DNAH9: variants seen among roughly 807,000 people sequenced by gnomAD.
DNAH9 encodes DNAH9 variant protein.
A neutral mutation model predicts 471.6 loss-of-function variants in DNAH9; 345 were observed. That is an observed-to-expected ratio of 0.73 (90% CI 0.67 to 0.80). DNAH9 has a LOEUF of 0.80. Ranked by LOEUF, DNAH9 falls within the 30% of genes least tolerant of loss-of-function variation. DNAH9 has a pLI of 0.00. For synonymous variants in DNAH9, 2,093 were observed against 2,123.6 expected, an observed-to-expected ratio of 0.99 and a Z score of 0.40; for missense variants, 5,407 against 5,609.2, an observed-to-expected ratio of 0.96 and a Z score of 1.15.
At chr17:11,771,182 C>T (rs893408054) in intron 38 of DNAH9, among the ~76,000 whole-genome samples, 2 of 152,088 alleles carry the variant, frequency 1.3e-5, no homozygotes, top group Non-Finnish European at 2.9e-5. Context: ...GGCTGGAGTG[C>T]AGTGGCATGA....
intron 27 of DNAH9, among the ~76,000 whole-genome samples, chr17:11,725,888 T>G (rs776689593): frequency 1.3e-5 from 2 of 151,880 alleles, no homozygotes; most frequent in Non-Finnish European, 2.9e-5. Context: ...CAAAAAAAAT[T>G]AAAGTCTGCC....
intron 67 of DNAH9, among the ~76,000 whole-genome samples, chr17:11,954,769 T>TTAAA (rs1555529414): frequency 1.7e-5 from 2 of 118,734 alleles, no homozygotes; most frequent in African/African-American, 6.1e-5. Context: ...GACTTCGTCT[T>TTAAA]AAAAAAAAAA....
intron 9 of DNAH9, among the ~76,000 whole-genome samples, chr17:11,638,752 C>T (rs1031384591): frequency 6.6e-6 from 1 of 152,132 alleles, no homozygotes; most frequent in African/African-American, 2.4e-5. Context: ...CAGAGAGAAT[C>T]CCAAAGCTGA....
chr17:11,822,854 C>T lies in DNAH9; in HGVS notation c.9066C>T (p.Val3022=), dbSNP rs34595876. ...TCATGGCCTTTGTCCACACAAGTGT[C>T]AACCAAACATCCCAGTCTTATCTGA... ...SKFMAFVHTS[V]NQTSQSYLSN... Residue 3022 remains valine, a synonymous_variant, in exon 48 of 69, where the codon GTC becomes GTT. Transcript: ENST00000262442. The T allele has an allele frequency of 3.5e-3, 5,728 of 1,614,246 alleles. 20 individuals are homozygous for T. The highest frequency in any genetic ancestry group is 4.5e-3 in the Middle Eastern group (27 of 6,062).
Position 11,924,373 on chromosome 17 carries a change from G to A in DNAH9, c.11877+432G>A, listed in dbSNP as rs142680336. The stretch of plus-strand genomic sequence containing the variant: ...TTCGTCACGGGCATGACTAGGATAT[G>A]GGAGCAACCTTAGCCTCTTCACTGA... On this transcript the variant is annotated intron_variant, in intron 62 of 68. Transcript: ENST00000262442. 4.8e-3 allele frequency among the ~76,000 whole-genome samples: 733 copies of A among 152,132 alleles called. 3 individuals carry two copies. Among genetic ancestry groups the A allele is most frequent in the African/African-American group, 0.016 (666 of 41,518 alleles).
At chr17:11,603,395 G>A (rs985721664) in intron 1 of DNAH9, among the ~76,000 whole-genome samples, 5 of 152,098 alleles carry the variant, frequency 3.3e-5, no homozygotes, top group Admixed American at 6.5e-5. Context: ...TTTAAGAAAC[G>A]GAAACGAGAA....
At chr17:11,608,742 T>A (rs1343948114) in intron 2 of DNAH9, among the ~76,000 whole-genome samples, 1 of 152,194 alleles carries the variant, frequency 6.6e-6, no homozygotes, top group Non-Finnish European at 1.5e-5. Flanking sequence ...CCGGCTCTTG[T>A]TACAGTTCCA....
At chr17:11,825,036 T>C (rs563752521) in intron 48 of DNAH9, among the ~76,000 whole-genome samples, 1 of 152,266 alleles carries the variant, frequency 6.6e-6, no homozygotes, top group South Asian at 2.1e-4. Context: ...AACTCAACGT[T>C]TGCCAACAAA....
chr17:11,769,590 C>T (rs1227307577), intron 38 of DNAH9, among the ~76,000 whole-genome samples: 2 of 152,228 alleles, frequency 1.3e-5, no homozygotes, highest in East Asian at 3.8e-4. Flanking sequence ...GTGTTCAACA[C>T]AGAGCAGTTC....
At chr17:11,759,113 TA>T in intron 35 of DNAH9, among the ~76,000 whole-genome samples, 1 of 149,048 alleles carries the variant, frequency 6.7e-6, no homozygotes. Context: ...TTTTGAGTTT[TA>T]AAATGTTTTT....
intron 10 of DNAH9, among the ~76,000 whole-genome samples, chr17:11,642,991 T>C (rs1450966221): frequency 1.3e-5 from 2 of 152,252 alleles, no homozygotes; most frequent in African/African-American, 2.4e-5. Flanking sequence ...AGAAATCCTA[T>C]GTTGGTTTAA....
Position 11,834,772 on chromosome 17 carries a change from A to C in DNAH9, c.9381A>C (p.Glu3127Asp), listed in dbSNP as rs1970791345. The C allele has an allele frequency of 6.2e-7, 1 of 1,614,032 alleles. No individual in the cohort carries two copies. Residue 3127 changes from glutamate to aspartate, a missense_variant, in exon 49 of 69, where the codon GAA (glutamate) becomes GAC (aspartate). Glu to Asp is a conservative substitution (Grantham distance 45). Coordinates refer to ENST00000262442, the MANE Select transcript of DNAH9 (RefSeq NM_001372.4). ...KVSREKAMAD[E>D]EEQKVAVIML... ...GCAGAGAGAAAGCCATGGCAGATGA[A>C]GAGGAGCAGAAGGTGGCCGTCATCA...
chr17:11,969,243 T>G, intron 68 of DNAH9, 57 bp from the exon 69 acceptor site: 2 of 1,490,128 alleles, frequency 1.3e-6, no homozygotes. Context: ...AGAGCAAGGC[T>G]GGTTGGCTGG....
At chr17:11,876,677 T>G (rs899842080) in intron 53 of DNAH9, among the ~76,000 whole-genome samples, 38 of 152,156 alleles carry the variant, frequency 2.5e-4, no homozygotes, top group Admixed American at 2.0e-4. Context: ...AAGAGTTAAG[T>G]GTTTCACAGG....
intron 27 of DNAH9, chr17:11,723,121 A>G (rs1400813864): frequency 2.6e-5 from 4 of 152,132 alleles, no homozygotes; most frequent in Admixed American, 6.5e-5. Flanking sequence ...AGCCATGTCT[A>G]TTCTCCAGCT....
intron 61 of DNAH9, among the ~76,000 whole-genome samples, chr17:11,915,498 T>G (rs576392574): frequency 6.6e-6 from 1 of 152,084 alleles, no homozygotes; most frequent in East Asian, 1.9e-4. Flanking sequence ...CACTTCAACT[T>G]GGCGACACAG....
intron 14 of DNAH9, among the ~76,000 whole-genome samples, chr17:11,657,582 T>C (rs995089687): frequency 1.1e-4 from 16 of 152,196 alleles, no homozygotes; most frequent in African/African-American, 3.8e-4. Flanking sequence ...TCTCCTCTTG[T>C]GGTTAGTACT....
chr17:11,783,792 T>A, intron 40 of DNAH9, 44 bp downstream of exon 40: 1 of 1,472,840 alleles, frequency 6.8e-7, no homozygotes, highest in Non-Finnish European at 9.5e-7. Flanking sequence ...CCTATCTTAC[T>A]AGAGCTGATG....
At chr17:11,850,990 G>A (rs751890566) in intron 49 of DNAH9, among the ~76,000 whole-genome samples, 3 of 152,170 alleles carry the variant, frequency 2.0e-5, no homozygotes, top group African/African-American at 7.2e-5. Flanking sequence ...ATCATTTCAG[G>A]TTCTCTGAAG....
Sources: gnomAD v4.1 joint callset for allele counts (sites outside exome capture counted in the v4.1 genomes callset) on GRCh38, gnomAD v4.1.1 for gene constraint, MANE v1.5 for transcripts, NCBI Gene and HGNC (gene_info 2026-07-23, HGNC 2026-07-21) for gene names.